The following IL18BP variants were observed in gnomAD, a reference collection of about 807,000 sequenced individuals.
The protein encoded by IL18BP is interleukin 18 binding protein.
Under a neutral mutation model 19.9 loss-of-function variants are expected in IL18BP, and 23 were observed. The observed-to-expected ratio is 1.15, with a 90% CI of 0.83 to 1.64. IL18BP has a LOEUF of 1.64. IL18BP is among the 40% of genes most tolerant of loss of function. The pLI, the probability that IL18BP is intolerant of heterozygous loss-of-function variation, is 0.00. For missense variants in IL18BP, 239 were observed against 240.7 expected, an observed-to-expected ratio of 0.99 and a Z score of 0.05; for synonymous variants, 107 against 101.0, an observed-to-expected ratio of 1.06 and a Z score of -0.35.
chr11:71,999,739 T>G, intron 1 of IL18BP, 188 bp from the exon 2 acceptor site: 1 of 547,470 alleles, frequency 1.8e-6, no homozygotes, highest in Non-Finnish European at 3.3e-6. Context: ...GGTAAGCATC[T>G]TACAACCATT....
downstream of IL18BP, chr11:72,007,775 G>A (rs1208999291): frequency 2.9e-5 from 11 of 381,184 alleles, no homozygotes; most frequent in East Asian, 1.2e-4. Context: ...GAATAGGAAC[G>A]CCCCCCACTC....
chr11:72,007,263 A>G, downstream of IL18BP: 3 of 1,613,254 alleles, frequency 1.9e-6, no homozygotes, highest in Non-Finnish European at 2.5e-6. Flanking sequence ...GAGTCCAGGA[A>G]GACGTCTCCC....
Position 72,002,086 on chromosome 11 carries a change from C to A in IL18BP, c.*225C>A, listed in dbSNP as rs764380106. On this transcript the variant is annotated 3_prime_UTR_variant, in exon 6 of 6. Coordinates refer to ENST00000393703, the MANE Select transcript of IL18BP (RefSeq NM_001039660.2). ...GCCTCCTCCTCCTGCCATTCTCTCT[C>A]CACCTATCCATTAGCCTTCCTAACG... The A allele has an allele frequency of 6.3e-6, 4 of 638,650 alleles. No homozygotes were observed. Among genetic ancestry groups the A allele is most frequent in the Non-Finnish European group, 8.3e-6 (3 of 360,216 alleles). 39.6% of individuals were successfully genotyped at this position (638,650 alleles called of 1,614,324 possible). A position where few individuals can be genotyped will look rare whatever the true frequency, so the allele number is the denominator to read the frequency against.
downstream of IL18BP, chr11:72,004,672 G>C (rs749336359): frequency 1.9e-6 from 3 of 1,613,234 alleles, no homozygotes; most frequent in South Asian, 1.1e-5. Context: ...TGGGGCTCTA[G>C]GGAGACCCGT....
chr11:72,004,613 G>A (rs765935454), downstream of IL18BP: 3 of 1,606,348 alleles, frequency 1.9e-6, no homozygotes, highest in South Asian at 2.2e-5. Context: ...CAGTGCTGGA[G>A]TAACACCCAG....
At chr11:72,001,053 C>A (rs536800131) in intron 3 of IL18BP, 148 bp from the exon 4 acceptor site, 8 of 877,256 alleles carry the variant, frequency 9.1e-6, no homozygotes, top group African/African-American at 1.7e-5. Flanking sequence ...ACTTCTGTAA[C>A]GGACGTTCCC....
Position 72,001,398 on chromosome 11 carries a change from G to T in IL18BP, c.360-7G>T, listed in dbSNP as rs755392275. ...TTCTCATGACCTTTCCTTCCCTTCC[G>T]CTCCAGCCGGGAACGTGGGAGCACA... On this transcript the variant is annotated splice_region_variant and splice_polypyrimidine_tract_variant and intron_variant, in intron 4 of 5. Transcript: ENST00000393703. 6.2e-7 allele frequency: 1 copy of T among 1,614,094 alleles called. No homozygotes were observed. The highest frequency in any genetic ancestry group is 2.2e-5 in the East Asian group (1 of 44,884).
chr11:72,005,254 G>C (rs1376352841), downstream of IL18BP: 13 of 1,603,524 alleles, frequency 8.1e-6, no homozygotes, highest in African/African-American at 1.3e-5. Flanking sequence ...GGGGATAGCA[G>C]GTCTTCAGAT....
downstream of IL18BP, chr11:72,004,297 T>C: frequency 6.2e-7 from 1 of 1,613,430 alleles, no homozygotes; most frequent in Non-Finnish European, 8.5e-7. Flanking sequence ...CATGTCGGTC[T>C]CGGGGAGTCA....
downstream of IL18BP, chr11:72,004,195 C>T (rs375656055): frequency 1.5e-5 from 24 of 1,603,888 alleles, no homozygotes; most frequent in Middle Eastern, 1.7e-4. Context: ...GCCAGGGCGT[C>T]GCTTCATCCC....
At chr11:72,000,643 C>T in intron 3 of IL18BP, 86 bp downstream of exon 3, 1 of 1,105,138 alleles carries the variant, frequency 9.0e-7, no homozygotes, top group Admixed American at 1.9e-5. Context: ...CCCCTTCTGC[C>T]CATGTACCAC....
Position 72,001,921 on chromosome 11 carries a change from A to G in IL18BP, c.*60A>G, listed in dbSNP as rs986339141. The G allele has an allele frequency of 6.2e-7, 1 of 1,608,438 alleles. No homozygotes were observed. The highest frequency in any genetic ancestry group is 1.1e-5 in the South Asian group (1 of 90,426). On this transcript the variant is annotated 3_prime_UTR_variant, in exon 6 of 6. Transcript: ENST00000393703. Reference sequence around the variant, plus strand: ...ACCAGAGCTTGGGTCCTACCTGTCTACCTGGAGTGAACAGTCCCTGACTGC... The same window carrying G: ...ACCAGAGCTTGGGTCCTACCTGTCTGCCTGGAGTGAACAGTCCCTGACTGC...
intron 4 of IL18BP, 27 bp downstream of exon 4, chr11:72,001,351 G>A (rs369520400): frequency 5.6e-6 from 9 of 1,614,126 alleles, no homozygotes; most frequent in Admixed American, 1.7e-5. Flanking sequence ...CCAGGTGGGT[G>A]GGAAGGAGGC....
chr11:72,003,956 G>A (rs780571446), downstream of IL18BP: 41 of 1,613,604 alleles, frequency 2.5e-5, no homozygotes, highest in South Asian at 4.1e-4. Context: ...TGGTGGCAAT[G>A]CGCGGAGAAC....
chr11:72,007,672 CA>C (rs1258900737), downstream of IL18BP: 17 of 567,754 alleles, frequency 3.0e-5, no homozygotes, highest in Non-Finnish European at 4.7e-5. Flanking sequence ...CCAGATGTCC[CA>C]TCCCCACCAG....
downstream of IL18BP, chr11:72,004,338 T>G: frequency 6.2e-7 from 1 of 1,612,172 alleles, no homozygotes; most frequent in Non-Finnish European, 8.5e-7. Flanking sequence ...GTGGCCTTCT[T>G]AGACTATGGA....
downstream of IL18BP, chr11:72,003,654 GC>G: frequency 7.3e-7 from 1 of 1,370,292 alleles, no homozygotes; most frequent in Non-Finnish European, 1.0e-6. Flanking sequence ...TCCCTTGTGA[GC>G]CCCAGGGTTA....
At chr11:71,999,288 G>A in intron 1 of IL18BP, 1 of 399,630 alleles carries the variant, frequency 2.5e-6, no homozygotes, top group South Asian at 1.9e-5. Context: ...GCAGATGCCT[G>A]TTCATATGGA....
In IL18BP at chr11:72,002,033, A is replaced by C. The variant is rs904318852; in HGVS notation, c.*172A>C. 5 of 915,014 alleles carry C rather than the reference A, an allele frequency of 5.5e-6. No homozygotes were observed. The highest frequency in any genetic ancestry group is 8.2e-6 in the Non-Finnish European group (5 of 606,352). The allele number at this position is 915,014 out of a possible 1,614,324, so 56.7% of individuals were successfully genotyped here. A position where few individuals can be genotyped will look rare whatever the true frequency, so the allele number is the denominator to read the frequency against. On this transcript the variant is annotated 3_prime_UTR_variant, in exon 6 of 6. Transcript: ENST00000393703. Reference sequence around the variant, plus strand: ...CCAAATTCAAACTCCATTCCCACCTACCTAGAAAATCACAGCCTCCTTATA... The same window carrying C: ...CCAAATTCAAACTCCATTCCCACCTCCCTAGAAAATCACAGCCTCCTTATA...
Sources: gnomAD v4.1 joint callset for allele counts on GRCh38, gnomAD v4.1.1 for gene constraint, MANE v1.5 for transcripts, NCBI Gene and HGNC (gene_info 2026-07-23, HGNC 2026-07-21) for gene names.